Variants in TTC21A observed in about 807,000 individuals in gnomAD.
The protein encoded by TTC21A is tetratricopeptide repeat protein 21A.
Under a neutral mutation model 156.4 loss-of-function variants are expected in TTC21A, and 128 were observed. The ratio of observed to expected loss-of-function variants is 0.82; its 90% confidence interval spans 0.71 to 0.95. The LOEUF (loss-of-function observed/expected upper bound fraction) is 0.95. Ranked by LOEUF, TTC21A falls within the 40% of genes least tolerant of loss-of-function variation. TTC21A has a pLI of 0.00. For synonymous variants in TTC21A, 587 were observed against 617.1 expected (o/e 0.95, Z 0.72); for missense variants, 1,435 against 1,602.3 (o/e 0.90, Z 1.78).
intron 24 of TTC21A, 45 bp downstream of exon 24, chr3:39,137,105 GA>G: frequency 1.2e-6 from 2 of 1,604,512 alleles, no homozygotes; most frequent in Non-Finnish European, 1.7e-6. Context: ...GGAAGTTACA[GA>G]AAGCCTGCAA....
At position 39,118,085 on chromosome 3, in the gene TTC21A, G is replaced by C. The variant is rs754009160; in HGVS notation, c.733G>C (p.Glu245Gln). 9.9e-6 allele frequency: 16 copies of C among 1,613,696 alleles called. 1 individual carries two copies. The South Asian group carries it at 1.8e-4, about 18-fold the overall frequency. The change falls in exon 7 of 29, where the codon GAG becomes CAG. Residue 245 changes from glutamate to glutamine, a missense_variant. Coordinates refer to ENST00000683103, the MANE Select transcript of TTC21A (RefSeq NM_001366900.1). The stretch of plus-strand genomic sequence containing the variant: ...TTCCTTCAGAATCCTAGAAAAAGAT[G>C]AGAGCAATATTGATGCCTGCCAAAT... ...EMGHRILEKD[E>Q]SNIDACQILT...
In TTC21A at chr3:39,115,202, G is replaced by A. The variant is rs2037175585; in HGVS notation, c.716+460G>A. On this transcript the variant is annotated intron_variant, in intron 6 of 28. Transcript: ENST00000683103. ...CTTTGAGAGAAGTGTTTTAGCAGCA[G>A]GCTGGGTACATAAACCAGAGAGCAG... 3.9e-5 allele frequency among the ~76,000 whole-genome samples: 6 copies of A among 152,170 alleles called. No homozygotes were observed. In the South Asian group the frequency reaches 1.2e-3, roughly 31 times the overall value.
intron 7 of TTC21A, 77 bp from the exon 8 acceptor site, chr3:39,119,845 G>A (rs996336320): frequency 2.6e-5 from 24 of 934,050 alleles, no homozygotes; most frequent in Non-Finnish European, 3.1e-5. Context: ...ATGCTACTAT[G>A]CAGTCAGGGT....
intron 4 of TTC21A, among the ~76,000 whole-genome samples, 176 bp from the exon 5 acceptor site, chr3:39,112,282 G>A (rs555409364): frequency 2.0e-5 from 3 of 152,294 alleles, no homozygotes; most frequent in African/African-American, 7.2e-5. Context: ...GGCATTTCCA[G>A]ACAAAGCAAC....
chr3:39,137,739 C>A, intron 26 of TTC21A, 29 bp downstream of exon 26: 1 of 1,583,790 alleles, frequency 6.3e-7, no homozygotes, highest in Non-Finnish European at 8.6e-7. Flanking sequence ...ACTAGGGCTG[C>A]GGGATGGCGG....
intron 14 of TTC21A, 52 bp downstream of exon 14, chr3:39,128,984 A>C: frequency 1.2e-6 from 2 of 1,608,878 alleles, no homozygotes; most frequent in Non-Finnish European, 1.7e-6. Flanking sequence ...CTGGAGGCTC[A>C]GGGTAGGCCC....
At chr3:39,122,296 G>C (rs552341257) in intron 9 of TTC21A, among the ~76,000 whole-genome samples, 1 of 145,980 alleles carries the variant, frequency 6.9e-6, no homozygotes, top group African/African-American at 2.6e-5. Context: ...GGGCCACAGA[G>C]TGAGACTCCA....
chr3:39,131,127 T>C lies in TTC21A; in HGVS notation c.2562+32T>C, dbSNP rs1216740132. 3 of 1,543,956 alleles carry C rather than the reference T, an allele frequency of 1.9e-6. No homozygotes were observed. The East Asian group carries it at 6.7e-5, about 35-fold the overall frequency. On this transcript the variant is annotated intron_variant, in intron 19 of 28. Transcript: ENST00000683103. ...GACAGGTGGACTCAAGCTCTTTATC[T>C]GCCATCTGCTGATGGGGGCTGAAGG...
In TTC21A at chr3:39,107,731, T is replaced by G; in HGVS notation, c.-107T>G. On this transcript the variant is annotated 5_prime_UTR_variant, in exon 1 of 29. Transcript: ENST00000683103. ...CTAGCAGCTCGGTTTCCAAGGACTGTAACGCCTTCAACCGCCCGCCGCGAT... is the reference window on the plus strand; with the variant it reads ...CTAGCAGCTCGGTTTCCAAGGACTGGAACGCCTTCAACCGCCCGCCGCGAT... 1 of 1,522,012 alleles carries G rather than the reference T, an allele frequency of 6.6e-7. No individual in the cohort carries two copies. The highest frequency in any genetic ancestry group is 9.0e-7 in the Non-Finnish European group (1 of 1,106,148). 94.3% of individuals were successfully genotyped at this position (1,522,012 alleles called of 1,614,324 possible).
At chr3:39,107,937 C>T in intron 1 of TTC21A, 73 bp downstream of exon 1, 1 of 1,563,108 alleles carries the variant, frequency 6.4e-7, no homozygotes, top group Non-Finnish European at 8.8e-7. Context: ...GTCTGCCCTG[C>T]TACTCTCCTG....
chr3:39,128,793 A>G lies in TTC21A; in HGVS notation c.1757A>G (p.Lys586Arg), dbSNP rs1034807159. The G allele has an allele frequency of 1.9e-6, 3 of 1,614,088 alleles. No homozygotes were observed. The highest frequency in any genetic ancestry group is 1.7e-5 in the Admixed American group (1 of 60,002). ...GCTGGAGACTATCCAGAGGCCATAA[A>G]GACGCTGAAAATGGTCATCAAATTG... ...NKAGDYPEAI[K>R]TLKMVIKLPA... Residue 586 changes from lysine (K) to arginine (R), a missense_variant, in exon 14 of 29, where the codon AAG (lysine) becomes AGG (arginine). Physicochemically the swap from Lys to Arg is conservative, Grantham distance 26. Transcript: ENST00000683103.
chr3:39,117,194 G>A (rs1021363868), intron 6 of TTC21A, among the ~76,000 whole-genome samples: 1 of 152,116 alleles, frequency 6.6e-6, no homozygotes, highest in Non-Finnish European at 1.5e-5. Context: ...TTCTTCTTTG[G>A]TCTATAAGTT....
At chr3:39,109,351 C>A in intron 2 of TTC21A, 137 bp downstream of exon 2, 1 of 934,852 alleles carries the variant, frequency 1.1e-6, no homozygotes, top group Non-Finnish European at 1.6e-6. Flanking sequence ...TGGATTCCCA[C>A]GGGAATCCAC....
chr3:39,107,861 T>C lies in TTC21A; in HGVS notation c.24T>C (p.Leu8=). ...AGATGAGCAGCAATGACTCCTCCCT[T>C]ATGGTGCGTGGCCCGGGCGCTGTCC... The part of the protein sequence containing the change: MSSNDSS[L]MAGIIYYSQE... Residue 8 remains leucine (L), a synonymous_variant, in exon 1 of 29, where the codon CTT becomes CTC. Transcript: ENST00000683103. 1 of 1,612,886 alleles carries C rather than the reference T, an allele frequency of 6.2e-7. No individual in the cohort carries two copies.
rs746157157 is a variant in TTC21A at position 39,136,966 on chromosome 3, C to T, written c.3163C>T (p.Gln1055Ter). The change falls in exon 24 of 29, where the codon CAG becomes TAG. Residue 1055 changes from glutamine to a stop codon, truncating the protein, a stop_gained. Transcript: ENST00000683103. LOFTEE classifies it high-confidence loss of function. ...GGCACGCAAGGACAGCACTTGGGGC[C>T]AGAGCGCCATCTACCACATGGTGCA... ...NKARKDSTWG[Q>*]SAIYHMVQIC... The T allele has an allele frequency of 1.9e-6, 3 of 1,614,222 alleles. No individual in the cohort carries two copies. The East Asian group carries it at 6.7e-5, about 36-fold the overall frequency.
intron 26 of TTC21A, 22 bp downstream of exon 26, chr3:39,137,732 A>G (rs768753138): frequency 5.6e-6 from 9 of 1,595,448 alleles, no homozygotes; most frequent in Non-Finnish European, 7.7e-6. Flanking sequence ...CACACACACT[A>G]GGGCTGCGGG....
intron 6 of TTC21A, among the ~76,000 whole-genome samples, chr3:39,117,283 T>C (rs2037374430): frequency 6.6e-6 from 1 of 152,230 alleles, no homozygotes; most frequent in Non-Finnish European, 1.5e-5. Context: ...CAGAAATGGT[T>C]AGAACTTTTT....
At chr3:39,113,162 A>C (rs1209252663) in intron 5 of TTC21A, among the ~76,000 whole-genome samples, 1 of 152,190 alleles carries the variant, frequency 6.6e-6, no homozygotes, top group Non-Finnish European at 1.5e-5. Flanking sequence ...AGCCTAAAAA[A>C]AGTCAACAGA....
Position 39,137,268 on chromosome 3 carries a change from C to T in TTC21A, c.3331C>T (p.His1111Tyr), listed in dbSNP as rs753114153. 1.2e-6 allele frequency: 2 copies of T among 1,614,178 alleles called. No homozygotes were observed. The highest frequency in any genetic ancestry group is 4.5e-5 in the East Asian group (2 of 44,886). Residue 1111 changes from histidine (H) to tyrosine (Y), a missense_variant, in exon 25 of 29, where the codon CAT becomes TAT. Physicochemically the swap from His to Tyr is moderately conservative, Grantham distance 83. Coordinates refer to ENST00000683103, the MANE Select transcript of TTC21A (RefSeq NM_001366900.1). ...AEKLLREFYP[H>Y]SDSSQTQLRL... ...GAAACTGCTGCGTGAGTTTTACCCA[C>T]ATTCAGACTCCAGCCAGACCCAGCT...
Sources: allele counts gnomAD v4.1 joint callset (sites outside exome capture counted in the v4.1 genomes callset), GRCh38; gene constraint gnomAD v4.1.1; transcripts MANE v1.5; gene names NCBI Gene and HGNC (gene_info 2026-07-23, HGNC 2026-07-21).